Variants in AGAP1 observed in about 807,000 individuals in gnomAD.
The protein encoded by AGAP1 is arf-GAP with GTPase, ANK repeat and PH domain-containing protein 1.
Under a neutral mutation model 105.3 loss-of-function variants are expected in AGAP1, and 29 were observed. That is an observed-to-expected ratio of 0.28 (90% CI 0.21 to 0.38). AGAP1 has a LOEUF of 0.38. AGAP1 is among the 10% of genes least tolerant of loss of function. AGAP1 has a pLI of 1.00. For synonymous variants in AGAP1, 509 were observed against 485.9 expected (o/e 1.05, Z -0.63); for missense variants, 998 against 1,165.1 (o/e 0.86, Z 2.09).
At position 235,882,519 on chromosome 2, in the gene AGAP1, G is replaced by T; in HGVS notation, c.1051-826G>T. The T allele has an allele frequency of 7.4e-7, 1 of 1,348,262 alleles. No homozygotes were observed. The highest frequency in any genetic ancestry group is 1.0e-6 in the Non-Finnish European group (1 of 958,004). The allele number at this position is 1,348,262 out of a possible 1,614,324, so 83.5% of individuals were successfully genotyped here. A position where few individuals can be genotyped will look rare whatever the true frequency, so the allele number is the denominator to read the frequency against. On this transcript the variant is annotated intron_variant, in intron 9 of 17. Transcript: ENST00000304032. This position sits in a 1 kb window ranked among gnomAD's most constrained non-coding sequence, Gnocchi z 4.6. ...TTTCTTAAAACAATCGGTACCATCC[G>T]TGGCGGGCTCTTAGCTCACTGCAAC... is the stretch of plus-strand genomic sequence containing the variant.
intron 9 of AGAP1, among the ~76,000 whole-genome samples, chr2:235,863,737 C>T (rs891050440): frequency 6.6e-6 from 1 of 152,196 alleles, no homozygotes; most frequent in South Asian, 2.1e-4. Context: ...TGGTGTGAGG[C>T]GGGACACCTG....
At position 235,792,410 on chromosome 2, in the gene AGAP1, C is replaced by T. The variant is rs1957033518; in HGVS notation, c.674-5349C>T. ...GGAAATACCAGGAGTGGACAAGCCA[C>T]CTTCCCCAAACATGAAAGAGCCCAG... On this transcript the variant is annotated intron_variant, in intron 6 of 17. Transcript: ENST00000304032. This position sits in a 1 kb window ranked among gnomAD's most constrained non-coding sequence, Gnocchi z 5.3. Among the ~76,000 whole-genome samples, 1 of 152,182 alleles carries T rather than the reference C, an allele frequency of 6.6e-6. No homozygotes were observed. Among genetic ancestry groups the T allele is most frequent in the African/African-American group, 2.4e-5 (1 of 41,450 alleles).
At chr2:235,764,731 C>T (rs1396981774) in intron 6 of AGAP1, among the ~76,000 whole-genome samples, 21 of 61,836 alleles carry the variant, frequency 3.4e-4, no homozygotes, top group East Asian at 1.1e-3. Context: ...GGGGTGGGGG[C>T]ATCTGGGAGC....
chr2:236,037,018 T>C (rs2057403221), intron 14 of AGAP1, among the ~76,000 whole-genome samples: 1 of 152,196 alleles, frequency 6.6e-6, no homozygotes. Flanking sequence ...CCACATTTAT[T>C]TTTGTTTTGG....
At position 236,002,058 on chromosome 2, in the gene AGAP1, G is replaced by T. The variant is rs1294600054; in HGVS notation, c.1645+33435G>T. Among the ~76,000 whole-genome samples the T allele has an allele frequency of 6.6e-6, 1 of 152,160 alleles. No homozygotes were observed. Among genetic ancestry groups the T allele is most frequent in the East Asian group, 1.9e-4 (1 of 5,176 alleles). On this transcript the variant is annotated intron_variant, in intron 13 of 17. Coordinates refer to ENST00000304032, the MANE Select transcript of AGAP1 (RefSeq NM_001037131.3). This position sits in a 1 kb window ranked among gnomAD's most constrained non-coding sequence, Gnocchi z 4.3. Reference sequence around the variant, plus strand: ...ACACCATGAGAAACAGCTAGACTTGGGATGTCTGTGTTGACAGGGCCATGG... The same window carrying T: ...ACACCATGAGAAACAGCTAGACTTGTGATGTCTGTGTTGACAGGGCCATGG...
chr2:236,107,352 T>C (rs1294298139), intron 16 of AGAP1, among the ~76,000 whole-genome samples: 1 of 152,164 alleles, frequency 6.6e-6, no homozygotes, highest in Non-Finnish European at 1.5e-5. Context: ...GCTGACTGGG[T>C]TCACTAGCTA....
rs2059585660 is a variant in AGAP1, at chr2:236,109,334, C to T, written c.2115-10858C>T. Reference sequence around the variant, plus strand: ...GCACTTCTGTTTTGGGTACTGGTATCTATATGACTTGCCTTTTCCTTTTAG... The same window carrying T: ...GCACTTCTGTTTTGGGTACTGGTATTTATATGACTTGCCTTTTCCTTTTAG... On this transcript the variant is annotated intron_variant, in intron 16 of 17. Coordinates refer to ENST00000304032, the MANE Select transcript of AGAP1 (RefSeq NM_001037131.3). The surrounding 1 kb of genome is among the most constrained non-coding windows in gnomAD (Gnocchi z 5.4). Among the ~76,000 whole-genome samples the T allele has an allele frequency of 6.6e-6, 1 of 152,174 alleles. No homozygotes were observed. Among genetic ancestry groups the T allele is most frequent in the Admixed American group, 6.5e-5 (1 of 15,272 alleles).
At chr2:235,831,859 A>G (rs1559539762) in intron 9 of AGAP1, among the ~76,000 whole-genome samples, 1 of 152,248 alleles carries the variant, frequency 6.6e-6, no homozygotes, top group Non-Finnish European at 1.5e-5. Flanking sequence ...TATGGTAAGA[A>G]TGTTTTCAGT....
intron 1 of AGAP1, among the ~76,000 whole-genome samples, chr2:235,514,162 G>GCGCACA (rs1003208197): frequency 0.036 from 5,462 of 150,572 alleles, 310 homozygotes; most frequent in African/African-American, 0.12. Context: ...GTGCGCGCGC[G>GCGCACA]CACACACACA....
At position 235,553,453 on chromosome 2, in the gene AGAP1, A is replaced by C. The variant is rs777855417; in HGVS notation, c.163+58604A>C. Among the ~76,000 whole-genome samples, 2 of 152,136 alleles carry C rather than the reference A, an allele frequency of 1.3e-5. No homozygotes were observed. Among genetic ancestry groups the C allele is most frequent in the African/African-American group, 2.4e-5 (1 of 41,426 alleles). ...TTAAAAACTACATGATTGTGTTGCT[A>C]GGATTAGTTAAGAACTGATTTGAGG... On this transcript the variant is annotated intron_variant, in intron 1 of 17. Transcript: ENST00000304032. This position sits in a 1 kb window ranked among gnomAD's most constrained non-coding sequence, Gnocchi z 4.5.
chr2:235,773,856 C>T, intron 6 of AGAP1: 1 of 438,630 alleles, frequency 2.3e-6, no homozygotes, highest in East Asian at 7.1e-5. Flanking sequence ...AAAAAAATCT[C>T]GAAAATATTG....
At chr2:235,903,088 A>G (rs1019496997) in intron 10 of AGAP1, among the ~76,000 whole-genome samples, 8 of 152,184 alleles carry the variant, frequency 5.3e-5, no homozygotes, top group African/African-American at 1.9e-4. Flanking sequence ...ATTGTTTTGA[A>G]AATCTTATTG....
At chr2:235,829,212 C>T (rs116371432) in intron 9 of AGAP1, among the ~76,000 whole-genome samples, 2 of 152,336 alleles carry the variant, frequency 1.3e-5, no homozygotes, top group Non-Finnish European at 2.9e-5. Context: ...CCCCTGGCCC[C>T]TGGCCTTGTT....
chr2:236,121,686 A>G lies in AGAP1; in HGVS notation c.2370+1239A>G. The stretch of plus-strand genomic sequence containing the variant: ...ATCACACAGATACTCCCTTTTGCTC[A>G]TGAGTCATACATGTGATGTAATGCA... On this transcript the variant is annotated intron_variant, in intron 17 of 17. Coordinates refer to ENST00000304032, the MANE Select transcript of AGAP1 (RefSeq NM_001037131.3). This position sits in a 1 kb window ranked among gnomAD's most constrained non-coding sequence, Gnocchi z 4.9. Among the ~76,000 whole-genome samples, 1 of 152,178 alleles carries G rather than the reference A, an allele frequency of 6.6e-6. No homozygotes were observed. Among genetic ancestry groups the G allele is most frequent in the South Asian group, 2.1e-4 (1 of 4,834 alleles).
chr2:236,063,178 C>T lies in AGAP1; in HGVS notation c.2114+13897C>T, dbSNP rs185830836. Among the ~76,000 whole-genome samples, 1,125 of 152,248 alleles carry T rather than the reference C, an allele frequency of 7.4e-3. 11 individuals carry two copies. The highest frequency in any genetic ancestry group is 0.025 in the African/African-American group (1,036 of 41,540). On this transcript the variant is annotated intron_variant, in intron 16 of 17. Coordinates refer to ENST00000304032, the MANE Select transcript of AGAP1 (RefSeq NM_001037131.3). Reference sequence around the variant, plus strand: ...GCACAATCTCAGCTCACTGCAACCTCCACCTCCCAGGTTCAAGTGATTCTC... The same window carrying T: ...GCACAATCTCAGCTCACTGCAACCTTCACCTCCCAGGTTCAAGTGATTCTC...
intron 1 of AGAP1, among the ~76,000 whole-genome samples, chr2:235,628,064 C>T (rs6431392): frequency 0.023 from 3,576 of 152,188 alleles, 134 homozygotes; most frequent in African/African-American, 0.079. Flanking sequence ...GGCTTCCCCC[C>T]GAAGCAAGGT....
chr2:236,060,615 A>C (rs981096311), intron 16 of AGAP1, among the ~76,000 whole-genome samples: 1 of 152,144 alleles, frequency 6.6e-6, no homozygotes, highest in African/African-American at 2.4e-5. Context: ...GGATTGCTTG[A>C]GCCTAGGAGG....
chr2:235,786,375 C>T (rs76737174), intron 6 of AGAP1, among the ~76,000 whole-genome samples: 3,150 of 152,282 alleles, frequency 0.021, 101 homozygotes, highest in African/African-American at 0.072. Flanking sequence ...GAGAATAGCA[C>T]AGTGACCTAG....
At chr2:235,679,976 A>G (rs2149393616) in intron 1 of AGAP1, among the ~76,000 whole-genome samples, 1 of 152,354 alleles carries the variant, frequency 6.6e-6, no homozygotes, top group African/African-American at 2.4e-5. Context: ...ACTGACGCTG[A>G]CATTTTGACT....
Sources: gnomAD v4.1 joint callset for allele counts (sites outside exome capture counted in the v4.1 genomes callset) on GRCh38, gnomAD v4.1.1 for gene constraint, Gnocchi (gnomAD v3.1) non-coding constraint, MANE v1.5 for transcripts, NCBI Gene and HGNC (gene_info 2026-07-23, HGNC 2026-07-21) for gene names.